Variants in MDM2 observed in about 807,000 individuals in gnomAD.
MDM2 encodes the protein MDM2 proto-oncogene.
Under a neutral mutation model 64.3 loss-of-function variants are expected in MDM2, and 11 were observed. The observed-to-expected ratio is 0.17, with a 90% CI of 0.11 to 0.28. MDM2 has a LOEUF of 0.28. MDM2 is among the 10% of genes least tolerant of loss of function. The pLI is 1.00. For missense variants in MDM2, 388 were observed against 577.1 expected (o/e 0.67, Z 3.36); for synonymous variants, 194 against 192.9 (o/e 1.01, Z -0.05).
chr12:68,834,217 G>A (rs994559846), intron 8 of MDM2, among the ~76,000 whole-genome samples: 5 of 151,978 alleles, frequency 3.3e-5, no homozygotes, highest in Non-Finnish European at 5.9e-5. Context: ...CCGAGGTGGC[G>A]GATCACTAGA....
rs560912948 is a variant in MDM2 at position 68,830,144 on chromosome 12, G to A, written c.684+1213G>A. Among the ~76,000 whole-genome samples the A allele has an allele frequency of 1.5e-4, 23 of 151,786 alleles. 1 individual carries two copies. The South Asian group carries it at 2.7e-3, about 18-fold the overall frequency. On this transcript the variant is annotated intron_variant, in intron 8 of 10. Transcript: ENST00000258149. ...GGCCCAAGACAATTCTTCCAATGTC[G>A]CCCACGGAAACCAAAGGATTGGATA...
At chr12:68,827,304 G>GT (rs956290807) in intron 7 of MDM2, among the ~76,000 whole-genome samples, 20 of 148,020 alleles carry the variant, frequency 1.4e-4, no homozygotes, top group African/African-American at 4.4e-4. Context: ...GGAGGTAAGA[G>GT]TTTTTTTTTC....
intron 1 of MDM2, 169 bp from the exon 2 acceptor site, chr12:68,809,039 G>C: frequency 6.7e-7 from 1 of 1,493,778 alleles, no homozygotes; most frequent in South Asian, 1.4e-5. Flanking sequence ...CGATTGGAGG[G>C]TAGACCTGTG....
chr12:68,837,370 T>C (rs1005675357), intron 10 of MDM2, among the ~76,000 whole-genome samples: 4 of 151,926 alleles, frequency 2.6e-5, no homozygotes, highest in Admixed American at 2.6e-4. Flanking sequence ...CTTTTTTTTT[T>C]TTCAATTGAG....
In MDM2 at chr12:68,842,954, A is replaced by G. The variant is rs1883918505; in HGVS notation, c.*3105A>G. The G allele has an allele frequency of 4.7e-6, 1 of 210,800 alleles. No individual in the cohort carries two copies. The highest frequency in any genetic ancestry group is 2.3e-5 in the African/African-American group (1 of 44,082). 13.1% of individuals were successfully genotyped at this position (210,800 alleles called of 1,614,324 possible). A position where few individuals can be genotyped will look rare whatever the true frequency, so the allele number is the denominator to read the frequency against. ...AGCCGAATAAGGTTTGCCTGAAATA[A>G]CTGACACTATATAATTTCTGCTTTG... On this transcript the variant is annotated 3_prime_UTR_variant, in exon 11 of 11. Transcript: ENST00000258149.
Position 68,830,398 on chromosome 12 carries a change from G to A in MDM2, c.684+1467G>A, listed in dbSNP as rs538228098. 2.6e-5 allele frequency among the ~76,000 whole-genome samples: 4 copies of A among 152,246 alleles called. No individual in the cohort carries two copies. In the South Asian group the frequency reaches 8.3e-4, roughly 32 times the overall value. Reference sequence around the variant, plus strand: ...TGTACCTAACGGAGCTGTTACTTATGTAGACCGCTAGATGGCATGATGAGC... The same window carrying A: ...TGTACCTAACGGAGCTGTTACTTATATAGACCGCTAGATGGCATGATGAGC... On this transcript the variant is annotated intron_variant, in intron 8 of 10. Transcript: ENST00000258149.
At chr12:68,827,848 G>T (rs972852642) in intron 7 of MDM2, among the ~76,000 whole-genome samples, 1 of 152,188 alleles carries the variant, frequency 6.6e-6, no homozygotes, top group Non-Finnish European at 1.5e-5. Context: ...GGGTACTGAA[G>T]AGCCGGGCTT....
intron 1 of MDM2, 52 bp downstream of exon 1, chr12:68,808,543 C>A: frequency 6.2e-7 from 1 of 1,612,376 alleles, no homozygotes; most frequent in African/African-American, 1.3e-5. Flanking sequence ...CTGACGGTGT[C>A]CCCTCTATCG....
rs533656716 is a variant in MDM2, at chr12:68,812,011, G to T, written c.100-1543G>T. Among the ~76,000 whole-genome samples, 69 of 152,260 alleles carry T rather than the reference G, an allele frequency of 4.5e-4. No homozygotes were observed. The South Asian group carries it at 0.014, about 31-fold the overall frequency. ...TCTGCCTGCCTCGGCCTCCCAAAGT[G>T]CTGGGATTACAGACCTGAGCCACTG... On this transcript the variant is annotated intron_variant, in intron 2 of 10. Transcript: ENST00000258149.
intron 1 of MDM2, 195 bp from the exon 2 acceptor site, chr12:68,809,013 C>T: frequency 2.0e-6 from 3 of 1,466,066 alleles, no homozygotes; most frequent in East Asian, 2.3e-5. Context: ...TGCATTTTCC[C>T]AGCTGTGTTC....
At chr12:68,833,149 A>AAAAAATATATATATATAT (rs1555187768) in intron 8 of MDM2, among the ~76,000 whole-genome samples, 1 of 65,960 alleles carries the variant, frequency 1.5e-5, no homozygotes, top group African/African-American at 6.1e-5. Context: ...AAAAAAAAAA[A>AAAAAATATATATATATAT]ATATATATAT....
downstream of MDM2, chr12:68,847,211 T>TATATATAC (rs914745312): frequency 7.3e-6 from 1 of 136,478 alleles, no homozygotes; most frequent in African/African-American, 3.0e-5. Context: ...TATATATATA[T>TATATATAC]ACTTTTTTTA....
downstream of MDM2, chr12:68,849,960 T>C (rs1884587927): frequency 6.6e-6 from 1 of 151,850 alleles, no homozygotes; most frequent in South Asian, 2.1e-4. Context: ...AGAGAAATAA[T>C]AGTTCTATTC....
chr12:68,836,379 A>G (rs1233543689), intron 9 of MDM2, among the ~76,000 whole-genome samples: 1 of 152,142 alleles, frequency 6.6e-6, no homozygotes, highest in Non-Finnish European at 1.5e-5. Flanking sequence ...ATTTCTAGCT[A>G]TTTCCCTATT....
chr12:68,834,072 T>C (rs936080337), intron 8 of MDM2, among the ~76,000 whole-genome samples: 1 of 152,064 alleles, frequency 6.6e-6, no homozygotes, highest in African/African-American at 2.4e-5. Flanking sequence ...TTGTTTCTGT[T>C]TTTAAAACTG....
Position 68,842,554 on chromosome 12 carries a change from A to G in MDM2, c.*2705A>G. On this transcript the variant is annotated 3_prime_UTR_variant, in exon 11 of 11. Coordinates refer to ENST00000258149, the MANE Select transcript of MDM2 (RefSeq NM_002392.6). ...ACAAAACAGATAATATGGATGTTTG[A>G]TCGCATCTCATTGTTAACTCTTTAC... The G allele has an allele frequency of 2.9e-6, 1 of 349,830 alleles. No individual in the cohort carries two copies. Among genetic ancestry groups the G allele is most frequent in the Non-Finnish European group, 5.6e-6 (1 of 178,066 alleles). 21.7% of individuals were successfully genotyped at this position (349,830 alleles called of 1,614,324 possible). A position where few individuals can be genotyped will look rare whatever the true frequency, so the allele number is the denominator to read the frequency against.
chr12:68,810,803 C>T (rs1238784343), intron 2 of MDM2, among the ~76,000 whole-genome samples: 2 of 150,756 alleles, frequency 1.3e-5, no homozygotes, highest in Admixed American at 6.6e-5. Flanking sequence ...AGGTACTGTA[C>T]CATTGTTTAA....
Position 68,844,861 on chromosome 12 carries a change from G to A in MDM2, c.*5012G>A. 4.9e-6 allele frequency: 1 copy of A among 202,232 alleles called. No individual in the cohort carries two copies. Among genetic ancestry groups the A allele is most frequent in the Non-Finnish European group, 1.0e-5 (1 of 98,508 alleles). The allele number at this position is 202,232 out of a possible 1,614,324, so 12.5% of individuals were successfully genotyped here. On this transcript the variant is annotated 3_prime_UTR_variant, in exon 11 of 11. Coordinates refer to ENST00000258149, the MANE Select transcript of MDM2 (RefSeq NM_002392.6). ...GGCTCACTGCAACCTCTGCCTCCTG[G>A]CTGTGTTCAAGTGGTTCTGCTTCAG...
chr12:68,833,430 T>G (rs1883062114), intron 8 of MDM2, among the ~76,000 whole-genome samples: 1 of 142,612 alleles, frequency 7.0e-6, no homozygotes, highest in African/African-American at 2.6e-5. Context: ...AATATTTATT[T>G]TATATATTTT....
Sources: allele counts gnomAD v4.1 joint callset (sites outside exome capture counted in the v4.1 genomes callset), GRCh38; gene constraint gnomAD v4.1.1; transcripts MANE v1.5; gene names NCBI Gene and HGNC (gene_info 2026-07-23, HGNC 2026-07-21).